Variants in CHMP7 observed in about 807,000 individuals in gnomAD.
CHMP7 encodes CHMP family, member 7.
Under a neutral mutation model 53.7 loss-of-function variants are expected in CHMP7, and 15 were observed. The observed-to-expected ratio is 0.28, with a 90% CI of 0.19 to 0.43. The LOEUF is 0.43. Among genes scored for constraint, CHMP7 ranks in the 20% least tolerant of loss-of-function variants. The pLI is 1.00. For missense variants in CHMP7, 527 were observed against 569.4 expected (o/e 0.93, Z 0.76); for synonymous variants, 261 against 228.0 (o/e 1.14, Z -1.30).
intron 3 of CHMP7, among the ~76,000 whole-genome samples, chr8:23,252,854 C>T (rs921476860): frequency 2.6e-5 from 4 of 152,118 alleles, no homozygotes; most frequent in Admixed American, 6.6e-5. Context: ...TTCTTGATGT[C>T]GTGTAACATT....
rs57587219 is a variant in CHMP7, at chr8:23,254,560, A to ATTTT, written c.472-678_472-675dup. 3.9e-3 allele frequency among the ~76,000 whole-genome samples: 574 copies of ATTTT among 146,088 alleles called. 2 individuals are homozygous for ATTTT. Among genetic ancestry groups the ATTTT allele is most frequent in the African/African-American group, 0.014 (544 of 39,470 alleles). ...CAGGTGCCCGCCATCACATCCAGCTATTTTTTTTTTTTGTATTTTTAGTAA... is the reference window on the plus strand; with the variant it reads ...CAGGTGCCCGCCATCACATCCAGCTATTTTTTTTTTTTTTTTGTATTTTTAGTAA... On this transcript the variant is annotated intron_variant, in intron 3 of 10. Transcript: ENST00000397677.
intron 1 of CHMP7, among the ~76,000 whole-genome samples, chr8:23,245,334 C>T (rs1031261453): frequency 6.6e-6 from 1 of 152,154 alleles, no homozygotes; most frequent in Non-Finnish European, 1.5e-5. Flanking sequence ...GACTTTTTAT[C>T]ATGAGCTGGT....
chr8:23,249,500 TAAC>T, intron 3 of CHMP7, 119 bp downstream of exon 3: 3 of 720,104 alleles, frequency 4.2e-6, no homozygotes, highest in Non-Finnish European at 6.6e-6. Flanking sequence ...ACTGAGTTGA[TAAC>T]TGAGTTTATC....
At chr8:23,250,612 A>G (rs1801884746) in intron 3 of CHMP7, among the ~76,000 whole-genome samples, 1 of 144,194 alleles carries the variant, frequency 6.9e-6, no homozygotes, top group Non-Finnish European at 1.5e-5. Context: ...GGATGAGGTG[A>G]TAGGGGCCTG....
chr8:23,259,243 A>G (rs1385274801), intron 9 of CHMP7, 117 bp downstream of exon 9: 7 of 521,546 alleles, frequency 1.3e-5, no homozygotes, highest in Admixed American at 1.2e-4. Context: ...ATCTCGGCTC[A>G]CTGCAAGCTC....
chr8:23,254,908 C>T (rs969501437), intron 3 of CHMP7: 19 of 375,406 alleles, frequency 5.1e-5, no homozygotes, highest in African/African-American at 3.5e-4. Flanking sequence ...CCTCAGCTCT[C>T]GTTCACAGCT....
intron 3 of CHMP7, among the ~76,000 whole-genome samples, chr8:23,254,386 G>GT (rs1214292857): frequency 6.6e-6 from 1 of 151,862 alleles, no homozygotes; most frequent in African/African-American, 2.4e-5. Flanking sequence ...ACTTTTCTTT[G>GT]TTTTTTGTTT....
intron 2 of CHMP7, 108 bp from the exon 3 acceptor site, chr8:23,249,102 C>A: frequency 1.1e-6 from 1 of 927,118 alleles, no homozygotes; most frequent in Non-Finnish European, 1.6e-6. Context: ...AACAAATGGT[C>A]GTGATGATAA....
chr8:23,257,536 A>T (rs930177772), intron 5 of CHMP7, among the ~76,000 whole-genome samples: 2 of 152,224 alleles, frequency 1.3e-5, no homozygotes, highest in Non-Finnish European at 2.9e-5. Flanking sequence ...CGTGGACAAG[A>T]CAGGTCCCTG....
At position 23,249,333 on chromosome 8, in the gene CHMP7, TA is replaced by T; in HGVS notation, c.425del (p.Asn142IlefsTer15). The T allele has an allele frequency of 6.2e-7, 1 of 1,612,320 alleles. No homozygotes were observed. Among genetic ancestry groups the T allele is most frequent in the Non-Finnish European group, 8.5e-7 (1 of 1,179,304 alleles). ...GGACTCTTTCTAACATGCTGGGAGA[TA>T]ATAAGGTTCCAGCTGAGGAGGTCCT... is the stretch of plus-strand genomic sequence containing the variant. ...KWTLSNMLGD[N>X]KVPAEEVLVA... On this transcript the variant is annotated frameshift_variant, in exon 3 of 11. Transcript: ENST00000397677. LOFTEE classifies it high-confidence loss of function.
rs560767327 is a variant in CHMP7 at position 23,246,680 on chromosome 8, C to G, written c.-16C>G. 7.8e-6 allele frequency: 12 copies of G among 1,544,294 alleles called. No homozygotes were observed. Among genetic ancestry groups the G allele is most frequent in the East Asian group, 2.4e-5 (1 of 40,832 alleles). On this transcript the variant is annotated 5_prime_UTR_variant, in exon 2 of 11. Transcript: ENST00000397677. ...GCCAGGCTTGTGTTCGCAGCCTTGCCGGGGCTGGGGTTCCGATGTGGTCCC... is the reference window on the plus strand; with the variant it reads ...GCCAGGCTTGTGTTCGCAGCCTTGCGGGGGCTGGGGTTCCGATGTGGTCCC...
At chr8:23,245,693 A>C (rs1801661135) in intron 1 of CHMP7, among the ~76,000 whole-genome samples, 2 of 90,832 alleles carry the variant, frequency 2.2e-5, no homozygotes, top group African/African-American at 5.7e-5. Flanking sequence ...ATGGCACAGA[A>C]CTGGTACAAC....
chr8:23,249,509 T>G, intron 3 of CHMP7, 128 bp downstream of exon 3: 1 of 655,974 alleles, frequency 1.5e-6, no homozygotes, highest in South Asian at 2.5e-5. Flanking sequence ...ATAACTGAGT[T>G]TATCTGCTCT....
At chr8:23,247,133 A>G in intron 2 of CHMP7, 139 bp downstream of exon 2, 1 of 787,378 alleles carries the variant, frequency 1.3e-6, no homozygotes, top group East Asian at 3.2e-5. Flanking sequence ...GTGTGTGTTC[A>G]GAAGGCGAAG....
At chr8:23,256,893 C>T (rs555989588) in intron 5 of CHMP7, among the ~76,000 whole-genome samples, 83 of 149,644 alleles carry the variant, frequency 5.5e-4, no homozygotes, top group Middle Eastern at 3.4e-3. Flanking sequence ...CCTGGGTTCA[C>T]GCCATTTTCC....
intron 3 of CHMP7, among the ~76,000 whole-genome samples, chr8:23,249,778 G>C (rs577924362): frequency 1.3e-5 from 2 of 152,080 alleles, no homozygotes; most frequent in African/African-American, 4.8e-5. Flanking sequence ...CTTTGTGACC[G>C]TGCCCTTTCC....
At chr8:23,258,640 C>T (rs1585316882) in intron 7 of CHMP7, 92 bp from the exon 8 acceptor site, 1 of 1,207,334 alleles carries the variant, frequency 8.3e-7, no homozygotes, top group East Asian at 2.4e-5. Context: ...CCAAAAAAAA[C>T]ACCCCAAAGC....
chr8:23,251,238 A>G (rs1167056599), intron 3 of CHMP7, among the ~76,000 whole-genome samples: 3 of 152,226 alleles, frequency 2.0e-5, no homozygotes, highest in Non-Finnish European at 4.4e-5. Context: ...AGACAGAGAA[A>G]CAGCCAGTAA....
Position 23,261,004 on chromosome 8 carries a change from G to T in CHMP7, c.*405G>T. The T allele has an allele frequency of 1.4e-5, 3 of 218,588 alleles. No individual in the cohort carries two copies. Among genetic ancestry groups the T allele is most frequent in the Non-Finnish European group, 2.7e-5 (3 of 109,620 alleles). 13.5% of individuals were successfully genotyped at this position (218,588 alleles called of 1,614,324 possible). ...ACTCCCCCCTGCGGTTTTTTAGAGG[G>T]GTTTATCCTGTCGCTAATGTCAGTT... On this transcript the variant is annotated 3_prime_UTR_variant, in exon 11 of 11. Coordinates refer to ENST00000397677, the MANE Select transcript of CHMP7 (RefSeq NM_152272.5).
Sources: allele counts gnomAD v4.1 joint callset (sites outside exome capture counted in the v4.1 genomes callset), GRCh38; gene constraint gnomAD v4.1.1; transcripts MANE v1.5; gene names NCBI Gene and HGNC (gene_info 2026-07-23, HGNC 2026-07-21).